Variants in NEK7 observed in about 807,000 individuals in gnomAD.
The protein encoded by NEK7 is NIMA related kinase 7, also known as serine/threonine-protein kinase Nek7.
NEK7 carries 18 observed loss-of-function variants against 44.6 expected under a neutral mutation model. The observed-to-expected ratio is 0.40, with a 90% confidence interval of 0.28 to 0.60. The LOEUF is 0.60. Ranked by LOEUF, NEK7 falls within the 20% of genes least tolerant of loss-of-function variation. NEK7 has a pLI of 0.38. For missense variants in NEK7, 256 were observed against 366.5 expected (o/e 0.70, Z 2.46); for synonymous variants, 130 against 121.1 (o/e 1.07, Z -0.48).
Position 198,292,981 on chromosome 1 carries a change from A to T in NEK7, c.626A>T (p.His209Leu). 6.2e-7 allele frequency: 1 copy of T among 1,602,170 alleles called. No individual in the cohort carries two copies. Among genetic ancestry groups the T allele is most frequent in the Non-Finnish European group, 8.5e-7 (1 of 1,169,594 alleles). ...TPYYMSPERI[H>L]ENGYNFKSDI... ...TATTACATGTCTCCAGAGAGAATAC[A>T]TGAAAATGGATACAACTTCAAATCT... The change falls in exon 8 of 10, where the codon CAT becomes CTT. Residue 209 changes from histidine to leucine, a missense_variant. Physicochemically the swap from His to Leu is moderately conservative, Grantham distance 99. Coordinates refer to ENST00000367385, the MANE Select transcript of NEK7 (RefSeq NM_133494.3).
At chr1:198,314,525 C>A (rs1033275469) in intron 9 of NEK7, among the ~76,000 whole-genome samples, 1 of 152,158 alleles carries the variant, frequency 6.6e-6, no homozygotes. Context: ...TTTAGAGTTT[C>A]CAGTTTTTCT....
At chr1:198,234,489 G>A (rs550577570) in intron 2 of NEK7, among the ~76,000 whole-genome samples, 1 of 152,188 alleles carries the variant, frequency 6.6e-6, no homozygotes, top group African/African-American at 2.4e-5. Context: ...AAATTAGGTA[G>A]TTCATGTTAT....
chr1:198,197,919 A>G, intron 1 of NEK7: 1 of 1,371,980 alleles, frequency 7.3e-7, no homozygotes, highest in Non-Finnish European at 1.0e-6. Flanking sequence ...CCAGGAGCCA[A>G]GGGATTCACA....
chr1:198,226,466 AC>A (rs1666227927), intron 1 of NEK7, among the ~76,000 whole-genome samples: 1 of 150,822 alleles, frequency 6.6e-6, no homozygotes, highest in Non-Finnish European at 1.5e-5. Flanking sequence ...AATGACTTGA[AC>A]CCAGGAGGCA....
At chr1:198,257,579 A>C (rs1461321151) in intron 3 of NEK7, among the ~76,000 whole-genome samples, 1 of 152,172 alleles carries the variant, frequency 6.6e-6, no homozygotes, top group African/African-American at 2.4e-5. Context: ...TATGAACTTC[A>C]TTTAATCTCT....
chr1:198,317,449 G>A (rs1326773184), intron 9 of NEK7, among the ~76,000 whole-genome samples: 1 of 152,140 alleles, frequency 6.6e-6, no homozygotes, highest in Non-Finnish European at 1.5e-5. Flanking sequence ...TTACTTTGGT[G>A]AACTAGAGAA....
intron 2 of NEK7, among the ~76,000 whole-genome samples, chr1:198,239,493 A>G (rs1015444837): frequency 6.6e-6 from 1 of 152,230 alleles, no homozygotes; most frequent in Admixed American, 6.5e-5. Flanking sequence ...AAGTGGTTTT[A>G]TGACAGAGAT....
chr1:198,231,338 A>ATATATATATATAT (rs1399954083), intron 1 of NEK7, among the ~76,000 whole-genome samples: 4 of 112,732 alleles, frequency 3.5e-5, no homozygotes, highest in Admixed American at 9.4e-5. Context: ...TATATATATA[A>ATATATATATATAT]AAACACATGA....
At chr1:198,157,413 G>A (rs1299008700) in intron 1 of NEK7, 137 bp downstream of exon 1, 2 of 152,414 alleles carry the variant, frequency 1.3e-5, no homozygotes, top group South Asian at 2.1e-4. Context: ...CGGGGTAGGT[G>A]GGGCGGGGCG....
At chr1:198,293,395 A>G (rs1311370306) in intron 8 of NEK7, among the ~76,000 whole-genome samples, 2 of 151,948 alleles carry the variant, frequency 1.3e-5, no homozygotes, top group African/African-American at 4.8e-5. Flanking sequence ...GATTTAATAT[A>G]TGAAAGTATA....
Position 198,231,297 on chromosome 1 carries a change from GTGTGTA to G in NEK7, c.-28-1254_-28-1249del, listed in dbSNP as rs201228730. Among the ~76,000 whole-genome samples the G allele has an allele frequency of 8.1e-3, 731 of 90,130 alleles. 29 individuals carry two copies. The highest frequency in any genetic ancestry group is 0.062 in the Admixed American group (520 of 8,386). The allele number at this position is 90,130 out of a possible 152,430, so 59.1% of individuals were successfully genotyped here. A position where few individuals can be genotyped will look rare whatever the true frequency, so the allele number is the denominator to read the frequency against. ...TGTGTGTGTATATACGTGTATGTGT[GTGTGTA>G]TATATATATATATATATATATATAT... On this transcript the variant is annotated intron_variant, in intron 1 of 9. Coordinates refer to ENST00000367385, the MANE Select transcript of NEK7 (RefSeq NM_133494.3).
intron 1 of NEK7, among the ~76,000 whole-genome samples, chr1:198,200,346 G>A (rs1045824722): frequency 6.6e-6 from 1 of 151,942 alleles, no homozygotes; most frequent in African/African-American, 2.4e-5. Flanking sequence ...TGGCCAGCTT[G>A]CTTTTTTTTC....
chr1:198,319,348 C>G, intron 9 of NEK7, 64 bp from the exon 10 acceptor site: 2 of 1,052,746 alleles, frequency 1.9e-6, no homozygotes, highest in South Asian at 1.5e-5. Context: ...TAATTTCTTC[C>G]TCTCAGTAAA....
At chr1:198,227,384 A>T (rs915095870) in intron 1 of NEK7, among the ~76,000 whole-genome samples, 2 of 152,240 alleles carry the variant, frequency 1.3e-5, no homozygotes, top group African/African-American at 4.8e-5. Context: ...GTATATACCC[A>T]GTAATGGGAT....
At chr1:198,310,311 T>C (rs1655139571) in intron 9 of NEK7, among the ~76,000 whole-genome samples, 2 of 152,078 alleles carry the variant, frequency 1.3e-5, no homozygotes, top group South Asian at 4.2e-4. Context: ...TTCTTGTAGA[T>C]TTGTTTGAGT....
At chr1:198,267,247 T>C (rs1006409525) in intron 5 of NEK7, among the ~76,000 whole-genome samples, 4 of 151,922 alleles carry the variant, frequency 2.6e-5, no homozygotes, top group African/African-American at 7.2e-5. Context: ...CATATTTACA[T>C]GTATATACAT....
rs1310535706 is a variant in NEK7 at position 198,253,168 on chromosome 1, A to T, written c.186A>T (p.Leu62Phe). ...TCTTGGATGGAGTACCAGTAGCTTT[A>T]AAAAAAGTGCAGGTAAGATGACTTT... The part of the protein sequence containing the change: ...ACLLDGVPVA[L>F]KKVQIFDLMD... The change falls in exon 3 of 10, where the codon TTA becomes TTT. Residue 62 changes from leucine to phenylalanine, a missense_variant. Around this residue, in one of 3 missense-constraint regions of NEK7, gnomAD observed 96 missense variants for 94.9 expected, o/e 1.01. Transcript: ENST00000367385. 1.2e-6 allele frequency: 2 copies of T among 1,600,462 alleles called. No individual in the cohort carries two copies. Among genetic ancestry groups the T allele is most frequent in the East Asian group, 2.2e-5 (1 of 44,696 alleles).
chr1:198,222,901 G>A (rs1163513038), intron 1 of NEK7, among the ~76,000 whole-genome samples: 3 of 152,024 alleles, frequency 2.0e-5, no homozygotes, highest in Non-Finnish European at 4.4e-5. Flanking sequence ...GATGGGGGCC[G>A]CACACTACTT....
At chr1:198,311,785 A>G (rs1427213595) in intron 9 of NEK7, among the ~76,000 whole-genome samples, 3 of 152,190 alleles carry the variant, frequency 2.0e-5, no homozygotes, top group Non-Finnish European at 4.4e-5. Context: ...CCAGGGATGA[A>G]GCCCACTTGA....
Sources: allele counts gnomAD v4.1 joint callset (sites outside exome capture counted in the v4.1 genomes callset), GRCh38; gene constraint gnomAD v4.1.1; regional missense constraint gnomAD v4.1.1; transcripts MANE v1.5; gene names NCBI Gene and HGNC (gene_info 2026-07-23, HGNC 2026-07-21).